Variants in ADAMTSL1 observed in about 807,000 individuals in gnomAD.
The protein encoded by ADAMTSL1 is ADAMTS like 1, also known as ADAMTS-like protein 1.
Under a neutral mutation model 201.8 loss-of-function variants are expected in ADAMTSL1, and 126 were observed. The observed-to-expected ratio is 0.62, with a 90% CI of 0.54 to 0.72. The LOEUF (loss-of-function observed/expected upper bound fraction) is 0.72, where lower values mean the gene tolerates loss of function less well. Among genes scored for constraint, ADAMTSL1 ranks in the 30% least tolerant of loss-of-function variants. The probability of loss-of-function intolerance (pLI) is 0.00; values close to 1 mark genes in which losing one functional copy is unlikely to be tolerated. For synonymous variants in ADAMTSL1, 1,121 were observed against 903.4 expected, an observed-to-expected ratio of 1.24 and a Z score of -4.32; for missense variants, 2,679 against 2,277.8, an observed-to-expected ratio of 1.18 and a Z score of -3.59.
intron 7 of ADAMTSL1, among the ~76,000 whole-genome samples, chr9:18,649,335 T>G (rs201391567): frequency 7.9e-5 from 12 of 152,112 alleles, no homozygotes; most frequent in African/African-American, 2.4e-4. Context: ...TGGTTTGAAT[T>G]TCCTCCTGTA....
At chr9:18,730,251 A>G (rs941606117) in intron 15 of ADAMTSL1, among the ~76,000 whole-genome samples, 3 of 152,244 alleles carry the variant, frequency 2.0e-5, no homozygotes, top group Non-Finnish European at 4.4e-5. Context: ...GAAATATGCT[A>G]TATTACTATG....
At chr9:18,020,219 A>G (rs1055463788) in intron 1 of ADAMTSL1, among the ~76,000 whole-genome samples, 2 of 151,956 alleles carry the variant, frequency 1.3e-5, no homozygotes, top group Non-Finnish European at 2.9e-5. Flanking sequence ...TGGGGAGGGG[A>G]CAGGCAGTTT....
chr9:17,969,008 G>T (rs1818092779), intron 1 of ADAMTSL1, among the ~76,000 whole-genome samples: 1 of 151,924 alleles, frequency 6.6e-6, no homozygotes, highest in African/African-American at 2.4e-5. Flanking sequence ...TCCTACTTCA[G>T]GAGTTCTGTA....
chr9:18,492,272 A>G (rs554055803), intron 1 of ADAMTSL1, among the ~76,000 whole-genome samples: 15 of 152,330 alleles, frequency 9.8e-5, no homozygotes, highest in African/African-American at 2.9e-4. Context: ...TTAAGTCAAT[A>G]TAGAAACTGA....
intron 19 of ADAMTSL1, among the ~76,000 whole-genome samples, chr9:18,781,306 T>C (rs1174192598): frequency 6.6e-6 from 1 of 152,100 alleles, no homozygotes; most frequent in Non-Finnish European, 1.5e-5. Context: ...AACAAACAGT[T>C]TTTGCTGCCA....
At chr9:18,111,759 G>T (rs929338261) in intron 1 of ADAMTSL1, among the ~76,000 whole-genome samples, 3 of 152,044 alleles carry the variant, frequency 2.0e-5, no homozygotes, top group African/African-American at 7.2e-5. Flanking sequence ...TGGGGTCACG[G>T]TTTTCATAAA....
chr9:18,821,950 C>T (rs1264796263), intron 21 of ADAMTSL1, among the ~76,000 whole-genome samples: 1 of 152,156 alleles, frequency 6.6e-6, no homozygotes, highest in African/African-American at 2.4e-5. Flanking sequence ...ACATCAAAGG[C>T]ACTGGACCTT....
At chr9:18,657,563 C>CTCT in intron 7 of ADAMTSL1, 76 bp from the exon 8 acceptor site, 1 of 1,111,330 alleles carries the variant, frequency 9.0e-7, no homozygotes, top group East Asian at 2.4e-5. Context: ...CTACCATATA[C>CTCT]TCTTGTTCGA....
At chr9:18,359,296 C>A (rs1341301739) in intron 2 of ADAMTSL1, among the ~76,000 whole-genome samples, 4 of 152,042 alleles carry the variant, frequency 2.6e-5, no homozygotes, top group Admixed American at 6.5e-5. Context: ...CATTCTTCTG[C>A]CCCCATCTTT....
intron 26 of ADAMTSL1, among the ~76,000 whole-genome samples, chr9:18,904,569 G>C (rs1666815770): frequency 6.9e-6 from 1 of 145,232 alleles, no homozygotes; most frequent in African/African-American, 2.6e-5. Flanking sequence ...GGGAGGTGAA[G>C]GCTGCAGTGA....
At chr9:18,250,978 G>T (rs1033336165) in intron 2 of ADAMTSL1, among the ~76,000 whole-genome samples, 14 of 152,164 alleles carry the variant, frequency 9.2e-5, no homozygotes, top group African/African-American at 3.4e-4. Context: ...GGGAGCCCAT[G>T]TGACTGTCTT....
chr9:18,608,092 A>G (rs1192036349), intron 4 of ADAMTSL1, among the ~76,000 whole-genome samples: 1 of 152,204 alleles, frequency 6.6e-6, no homozygotes, highest in African/African-American at 2.4e-5. Context: ...AACCATAAAA[A>G]TTGGAAATGC....
chr9:18,540,427 C>T (rs7466047), intron 3 of ADAMTSL1, among the ~76,000 whole-genome samples: 1 of 151,972 alleles, frequency 6.6e-6, no homozygotes, highest in Non-Finnish European at 1.5e-5. Context: ...GTTGCTCTAC[C>T]TGAGGTGGTC....
intron 19 of ADAMTSL1, among the ~76,000 whole-genome samples, chr9:18,778,191 C>G (rs2289007): frequency 0.14 from 21,352 of 152,290 alleles, 1,870 homozygotes; most frequent in Non-Finnish European, 0.2. Flanking sequence ...ATGAGATACT[C>G]TCTGGATAGC....
intron 3 of ADAMTSL1, among the ~76,000 whole-genome samples, chr9:18,559,568 G>T (rs138752526): frequency 6.6e-6 from 1 of 152,084 alleles, no homozygotes; most frequent in Non-Finnish European, 1.5e-5. Flanking sequence ...GCTTGATGGC[G>T]ATAGCATTGA....
In ADAMTSL1 at chr9:17,955,213, G is replaced by A. The variant is rs1327880544; in HGVS notation, c.87+48291G>A. 2.0e-5 allele frequency among the ~76,000 whole-genome samples: 3 copies of A among 152,226 alleles called. No homozygotes were observed. In the East Asian group the frequency reaches 5.8e-4, roughly 29 times the overall value. ...GGCCTGCCTTTTGTTTGAATTCAAA[G>A]CCCATTCTCTGTGGCCTTACGGTTT... On this transcript the variant is annotated intron_variant, in intron 1 of 29. Coordinates refer to the ADAMTSL1 transcript ENST00000680146.
chr9:18,407,857 G>T (rs1429222766), intron 2 of ADAMTSL1, among the ~76,000 whole-genome samples: 3 of 152,194 alleles, frequency 2.0e-5, no homozygotes, highest in Admixed American at 1.3e-4. Flanking sequence ...AGAGAATGTT[G>T]CCTCTTATTT....
At chr9:18,906,960 CGAGTGCAGAGA>C (rs1190424732) in intron 28 of ADAMTSL1, 48 bp downstream of exon 28, 1 of 1,603,590 alleles carries the variant, frequency 6.2e-7, no homozygotes, top group Non-Finnish European at 8.5e-7. Flanking sequence ...CATAGAGCAT[CGAGTGCAGAGA>C]GCAGTCCCTG....
chr9:18,410,192 T>G (rs886137771), intron 2 of ADAMTSL1, among the ~76,000 whole-genome samples: 2 of 151,944 alleles, frequency 1.3e-5, no homozygotes, highest in Non-Finnish European at 2.9e-5. Context: ...TTTTTTTTAC[T>G]TCCTTTTTTT....
Sources: allele counts gnomAD v4.1 joint callset (sites outside exome capture counted in the v4.1 genomes callset), GRCh38; gene constraint gnomAD v4.1.1; transcripts MANE v1.5; gene names NCBI Gene and HGNC (gene_info 2026-07-23, HGNC 2026-07-21).